ARHGEF7: variants seen among roughly 807,000 people sequenced by gnomAD.
The protein encoded by ARHGEF7 is PAK-interacting exchange factor beta.
In ARHGEF7, 33 loss-of-function variants were observed where a neutral mutation model predicts 109.8. The observed-to-expected ratio is 0.30, with a 90% CI of 0.23 to 0.40. ARHGEF7 has a LOEUF of 0.40. ARHGEF7 is among the 10% of genes least tolerant of loss of function. ARHGEF7 has a pLI of 1.00. For synonymous variants in ARHGEF7, 458 were observed against 424.6 expected (o/e 1.08, Z -0.97); for missense variants, 938 against 1,098.5 (o/e 0.85, Z 2.07).
At chr13:111,215,087 T>C (rs1208011111) in intron 4 of ARHGEF7, among the ~76,000 whole-genome samples, 1 of 151,966 alleles carries the variant, frequency 6.6e-6, no homozygotes, top group Non-Finnish European at 1.5e-5. Context: ...GTTTTGATTT[T>C]TATGGTGCAT....
rs557717312 is a variant in ARHGEF7 at position 111,294,961 on chromosome 13, G to A, written c.2311+2667G>A. The A allele has an allele frequency of 1.2e-3, 1,223 of 985,220 alleles. 1 individual carries two copies. Among genetic ancestry groups the A allele is most frequent in the Non-Finnish European group, 1.4e-3 (1,180 of 829,600 alleles). The allele number at this position is 985,220 out of a possible 1,614,324, so 61.0% of individuals were successfully genotyped here. A position where few individuals can be genotyped will look rare whatever the true frequency, so the allele number is the denominator to read the frequency against. Reference sequence around the variant, plus strand: ...AAAACACAGTAATGTGTATATAGTGGTATAAGATCTTGAAAAAAATCTCTA... The same window carrying A: ...AAAACACAGTAATGTGTATATAGTGATATAAGATCTTGAAAAAAATCTCTA... On this transcript the variant is annotated intron_variant, in intron 19 of 21. Transcript: ENST00000646102.
chr13:111,202,981 T>G, intron 2 of ARHGEF7: 2 of 888,582 alleles, frequency 2.3e-6, no homozygotes, highest in Non-Finnish European at 3.0e-6. Flanking sequence ...AGCCCATTGG[T>G]GGGCAGTTTC....
intron 8 of ARHGEF7, among the ~76,000 whole-genome samples, chr13:111,264,492 A>C (rs2091417056): frequency 6.6e-6 from 1 of 151,918 alleles, no homozygotes; most frequent in East Asian, 1.9e-4. Context: ...CACCGACAGG[A>C]AGACTTGTGC....
At chr13:111,250,342 C>T (rs1278451393) in intron 8 of ARHGEF7, among the ~76,000 whole-genome samples, 1 of 152,198 alleles carries the variant, frequency 6.6e-6, no homozygotes, top group Admixed American at 6.5e-5. Context: ...CACACGCTGC[C>T]ACCACGTGCG....
chr13:111,211,633 A>T (rs1039235203), intron 4 of ARHGEF7, among the ~76,000 whole-genome samples: 1 of 152,190 alleles, frequency 6.6e-6, no homozygotes, highest in East Asian at 1.9e-4. Flanking sequence ...TTTCTCTTTG[A>T]TGGAATGTGC....
intron 2 of ARHGEF7, among the ~76,000 whole-genome samples, chr13:111,167,531 A>G (rs1474075175): frequency 5.9e-5 from 9 of 152,166 alleles, no homozygotes; most frequent in Admixed American, 1.3e-4. Context: ...TATCACTCCT[A>G]TCCCCCAGTT....
At chr13:111,282,554 C>T (rs552109053) in intron 15 of ARHGEF7, among the ~76,000 whole-genome samples, 8 of 152,290 alleles carry the variant, frequency 5.3e-5, no homozygotes, top group African/African-American at 1.4e-4. Flanking sequence ...AGATGGTAAA[C>T]GTTCTCTGCT....
chr13:111,278,069 C>A (rs113483515), intron 13 of ARHGEF7, among the ~76,000 whole-genome samples: 1 of 152,140 alleles, frequency 6.6e-6, no homozygotes, highest in African/African-American at 2.4e-5. Flanking sequence ...GTCAGTGGCA[C>A]GGCACCGCCC....
chr13:111,248,239 G>GT (rs1173722972), intron 8 of ARHGEF7, among the ~76,000 whole-genome samples: 1 of 151,896 alleles, frequency 6.6e-6, no homozygotes, highest in Non-Finnish European at 1.5e-5. Flanking sequence ...GGCCTTCACT[G>GT]TATCTGTTGA....
chr13:111,133,182 T>C (rs2074867213), intron 1 of ARHGEF7, among the ~76,000 whole-genome samples: 1 of 152,078 alleles, frequency 6.6e-6, no homozygotes. Flanking sequence ...TGTGCACGTG[T>C]ATGTATGTGT....
At chr13:111,299,733 TATG>T (rs1442332365) in intron 19 of ARHGEF7, among the ~76,000 whole-genome samples, 3 of 152,160 alleles carry the variant, frequency 2.0e-5, no homozygotes, top group African/African-American at 7.2e-5. Context: ...GTGCCTTTCT[TATG>T]ATCTGACAAA....
intron 1 of ARHGEF7, chr13:111,144,870 A>G (rs960766444): frequency 1.3e-5 from 2 of 152,178 alleles, no homozygotes; most frequent in Non-Finnish European, 2.9e-5. Context: ...ACATGGGACA[A>G]CATTCAAAGG....
At chr13:111,187,219 C>T (rs1055377873) in intron 2 of ARHGEF7, among the ~76,000 whole-genome samples, 1 of 152,172 alleles carries the variant, frequency 6.6e-6, no homozygotes, top group Non-Finnish European at 1.5e-5. Flanking sequence ...AATGCTGTGT[C>T]CGTTATTGTT....
intron 16 of ARHGEF7, among the ~76,000 whole-genome samples, chr13:111,284,664 A>G (rs749189708): frequency 6.6e-6 from 1 of 152,242 alleles, no homozygotes; most frequent in Non-Finnish European, 1.5e-5. Context: ...TTGCTTTGCC[A>G]ACTCCACACT....
intron 2 of ARHGEF7, among the ~76,000 whole-genome samples, chr13:111,181,212 C>G (rs2078699515): frequency 1.3e-5 from 2 of 151,858 alleles, no homozygotes; most frequent in African/African-American, 2.4e-5. Flanking sequence ...AGAGTTTGAA[C>G]ATTGATCACA....
rs116823994 is a variant in ARHGEF7, at chr13:111,215,815, C to T, written c.469-1864C>T. Among the ~76,000 whole-genome samples the T allele has an allele frequency of 3.4e-3, 520 of 152,234 alleles. 3 individuals are homozygous for T. The highest frequency in any genetic ancestry group is 0.012 in the African/African-American group (501 of 41,536). ...TCTCTTGGTTGTGAGCCAGGCTGGC[C>T]GCACAGCTGCTGCCTCTGAGCCGCC... On this transcript the variant is annotated intron_variant, in intron 4 of 21. Coordinates refer to ENST00000646102, the MANE Select transcript of ARHGEF7 (RefSeq NM_001354046.2).
chr13:111,162,814 A>G (rs925697808), intron 2 of ARHGEF7, among the ~76,000 whole-genome samples: 6 of 152,204 alleles, frequency 3.9e-5, no homozygotes, highest in Non-Finnish European at 7.3e-5. Flanking sequence ...AACACTTTTG[A>G]AAGAATTAAA....
Position 111,280,555 on chromosome 13 carries a change from A to T in ARHGEF7, c.1603A>T (p.Ile535Leu), listed in dbSNP as rs1476787617. The stretch of plus-strand genomic sequence containing the variant: ...TCCTATAGGGAGCATGATTGAGCGG[A>T]TATTAGTGTCGTGCAACAACCAGCA... ...FEISGSMIERILVSCNNQQDL... is the reference protein window; with the variant it reads ...FEISGSMIERLLVSCNNQQDL... Residue 535 changes from isoleucine to leucine, a missense_variant, in exon 15 of 22, where the codon ATA (isoleucine) becomes TTA (leucine). Physicochemically the swap from Ile to Leu is conservative, Grantham distance 5 (BLOSUM62 2). Transcript: ENST00000646102. 1 of 1,607,794 alleles carries T rather than the reference A, an allele frequency of 6.2e-7. No homozygotes were observed. The highest frequency in any genetic ancestry group is 1.3e-5 in the African/African-American group (1 of 74,690).
chr13:111,198,515 C>G (rs1403984457), intron 2 of ARHGEF7, among the ~76,000 whole-genome samples: 2 of 152,096 alleles, frequency 1.3e-5, no homozygotes, highest in Non-Finnish European at 2.9e-5. Flanking sequence ...TGTGGTCTCG[C>G]TGACTTCAGG....
Sources: gnomAD v4.1 joint callset for allele counts (sites outside exome capture counted in the v4.1 genomes callset) on GRCh38, gnomAD v4.1.1 for gene constraint, MANE v1.5 for transcripts, NCBI Gene and HGNC (gene_info 2026-07-23, HGNC 2026-07-21) for gene names.